Variants in AP1M1 observed in about 807,000 individuals in gnomAD.
AP1M1 encodes the protein adaptor related protein complex 1 subunit mu 1.
In AP1M1, 18 loss-of-function variants were observed where a neutral mutation model predicts 57.1. That is an observed-to-expected ratio of 0.32 (90% CI 0.22 to 0.47). The LOEUF is 0.47. Ranked by LOEUF, AP1M1 falls within the 20% of genes least tolerant of loss-of-function variation. AP1M1 has a pLI of 1.00. For missense variants in AP1M1, 362 were observed against 593.5 expected (o/e 0.61, Z 4.05); for synonymous variants, 241 against 237.9 (o/e 1.01, Z -0.12).
chr19:16,239,106 T>C lies in AP1M1; in HGVS notation c.*4671T>C, dbSNP rs920417056. Reference sequence around the variant, plus strand: ...GCGCCACCATGCCTGGCTAATTTTGTATTTTTGGTAGAGACGGGATTTCTC... The same window carrying C: ...GCGCCACCATGCCTGGCTAATTTTGCATTTTTGGTAGAGACGGGATTTCTC... On this transcript the variant is annotated 3_prime_UTR_variant, in exon 12 of 12. Coordinates refer to ENST00000291439, the MANE Select transcript of AP1M1 (RefSeq NM_032493.4). The C allele has an allele frequency of 6.6e-6, 1 of 151,472 alleles. No individual in the cohort carries two copies. The highest frequency in any genetic ancestry group is 2.4e-5 in the African/African-American group (1 of 41,162). 9.4% of individuals were successfully genotyped at this position (151,472 alleles called of 1,614,324 possible).
chr19:16,205,830 A>C (rs2091467202), intron 2 of AP1M1, among the ~76,000 whole-genome samples: 1 of 152,152 alleles, frequency 6.6e-6, no homozygotes, highest in African/African-American at 2.4e-5. Context: ...AGAAATATCA[A>C]GGTTTCTCTA....
chr19:16,213,341 C>T (rs1022876996), intron 5 of AP1M1, among the ~76,000 whole-genome samples: 3 of 152,104 alleles, frequency 2.0e-5, no homozygotes, highest in African/African-American at 7.2e-5. Flanking sequence ...TTATGCAATG[C>T]ACTTCTTTGT....
rs896830478 is a variant in AP1M1, at chr19:16,242,661, A to T, written c.*8226A>T. ...GACACTTAAAATATAAGCACACAAC[A>T]CAGTTAAAAGTAAAAAGACATTAAA... On this transcript the variant is annotated 3_prime_UTR_variant, in exon 12 of 12. Coordinates refer to ENST00000291439, the MANE Select transcript of AP1M1 (RefSeq NM_032493.4). The T allele has an allele frequency of 2.0e-5, 3 of 152,268 alleles. No homozygotes were observed. The highest frequency in any genetic ancestry group is 4.4e-5 in the Non-Finnish European group (3 of 68,046). The allele number at this position is 152,268 out of a possible 1,614,324, so 9.4% of individuals were successfully genotyped here. A position where few individuals can be genotyped will look rare whatever the true frequency, so the allele number is the denominator to read the frequency against.
chr19:16,205,302 C>T (rs1020877041), intron 2 of AP1M1, among the ~76,000 whole-genome samples: 4 of 152,204 alleles, frequency 2.6e-5, no homozygotes, highest in African/African-American at 9.7e-5. Context: ...GGGCTCACCC[C>T]TCTGGCTTAG....
chr19:16,215,352 T>C (rs186258179), intron 5 of AP1M1, among the ~76,000 whole-genome samples: 4 of 147,290 alleles, frequency 2.7e-5, no homozygotes, highest in Admixed American at 1.4e-4. Context: ...TCCCAGCTGC[T>C]TGGGAGGCTG....
chr19:16,228,049 C>T lies in AP1M1; in HGVS notation c.817-88C>T, dbSNP rs2091578917. On this transcript the variant is annotated intron_variant, in intron 7 of 11. Transcript: ENST00000291439. This position sits in a 1 kb window ranked among gnomAD's most constrained non-coding sequence, Gnocchi z 5.0. ...CTGGGCCCACACCTGGGCAGATGGTCCCTTGCCCTGGGCCTTGGTTTCCCC... is the reference window on the plus strand; with the variant it reads ...CTGGGCCCACACCTGGGCAGATGGTTCCTTGCCCTGGGCCTTGGTTTCCCC... The T allele has an allele frequency of 7.4e-7, 1 of 1,354,070 alleles. No homozygotes were observed. Among genetic ancestry groups the T allele is most frequent in the Non-Finnish European group, 1.0e-6 (1 of 961,270 alleles). 83.9% of individuals were successfully genotyped at this position (1,354,070 alleles called of 1,614,324 possible). A position where few individuals can be genotyped will look rare whatever the true frequency, so the allele number is the denominator to read the frequency against.
chr19:16,217,050 C>T (rs1301695385), intron 5 of AP1M1, among the ~76,000 whole-genome samples: 2 of 152,092 alleles, frequency 1.3e-5, no homozygotes, highest in African/African-American at 2.4e-5. Flanking sequence ...GCAGGGGCCA[C>T]GCTGGCAACT....
In AP1M1 at chr19:16,238,708, A is replaced by T. The variant is rs924194008; in HGVS notation, c.*4273A>T. The T allele has an allele frequency of 7.1e-6, 1 of 141,676 alleles. No individual in the cohort carries two copies. Among genetic ancestry groups the T allele is most frequent in the African/African-American group, 2.6e-5 (1 of 38,350 alleles). 8.8% of individuals were successfully genotyped at this position (141,676 alleles called of 1,614,324 possible). A position where few individuals can be genotyped will look rare whatever the true frequency, so the allele number is the denominator to read the frequency against. ...GGTATTGCTTAGTGGCTTGTTCTGT[A>T]TTCTTTCTTTATGCTTTTTTTTTTT... On this transcript the variant is annotated 3_prime_UTR_variant, in exon 12 of 12. Coordinates refer to ENST00000291439, the MANE Select transcript of AP1M1 (RefSeq NM_032493.4).
intron 5 of AP1M1, among the ~76,000 whole-genome samples, chr19:16,220,054 A>T (rs1273439355): frequency 6.6e-6 from 1 of 152,204 alleles, no homozygotes; most frequent in Non-Finnish European, 1.5e-5. Flanking sequence ...TTTGGTATCA[A>T]GGTAATGGAG....
At position 16,207,940 on chromosome 19, in the gene AP1M1, G is replaced by A; in HGVS notation, c.268-79G>A. 1.3e-6 allele frequency: 2 copies of A among 1,512,444 alleles called. No individual in the cohort carries two copies. The highest frequency in any genetic ancestry group is 3.7e-5 in the Admixed American group (2 of 53,620). The allele number at this position is 1,512,444 out of a possible 1,614,324, so 93.7% of individuals were successfully genotyped here. A position where few individuals can be genotyped will look rare whatever the true frequency, so the allele number is the denominator to read the frequency against. ...TAGGACTTAGCGGGCAAATGAATGT[G>A]TGCAAGCGTTCATTCATTCCTCATC... On this transcript the variant is annotated intron_variant, in intron 3 of 11. Coordinates refer to ENST00000291439, the MANE Select transcript of AP1M1 (RefSeq NM_032493.4). The surrounding 1 kb of genome is among the most constrained non-coding windows in gnomAD (Gnocchi z 4.2).
Position 16,240,377 on chromosome 19 carries a change from TG to T in AP1M1, c.*5943del, listed in dbSNP as rs1444588757. ...CAAGTATCTAACACAAACCAAAAAA[TG>T]AGAACTGGGGAGCAGCCACATGCAA... On this transcript the variant is annotated 3_prime_UTR_variant, in exon 12 of 12. Transcript: ENST00000291439. 2.6e-5 allele frequency: 4 copies of T among 151,130 alleles called. No homozygotes were observed. The highest frequency in any genetic ancestry group is 9.7e-5 in the African/African-American group (4 of 41,108). 9.4% of individuals were successfully genotyped at this position (151,130 alleles called of 1,614,324 possible). A position where few individuals can be genotyped will look rare whatever the true frequency, so the allele number is the denominator to read the frequency against.
Position 16,207,145 on chromosome 19 carries a change from C to T in AP1M1, c.267+737C>T, listed in dbSNP as rs1401262552. Among the ~76,000 whole-genome samples, 4 of 152,014 alleles carry T rather than the reference C, an allele frequency of 2.6e-5. No homozygotes were observed. The East Asian group carries it at 5.8e-4, about 22-fold the overall frequency. Reference sequence around the variant, plus strand: ...GCTTCCCGGAGAGGATGGGCCTGGCCGAGGTGGGCTGTGGGGCTCACGAAA... The same window carrying T: ...GCTTCCCGGAGAGGATGGGCCTGGCTGAGGTGGGCTGTGGGGCTCACGAAA... On this transcript the variant is annotated intron_variant, in intron 3 of 11. Coordinates refer to ENST00000291439, the MANE Select transcript of AP1M1 (RefSeq NM_032493.4). This position sits in a 1 kb window ranked among gnomAD's most constrained non-coding sequence, Gnocchi z 4.2.
rs1167563114 is a variant in AP1M1, at chr19:16,207,345, T to C, written c.268-674T>C. Among the ~76,000 whole-genome samples the C allele has an allele frequency of 1.3e-5, 2 of 151,950 alleles. No individual in the cohort carries two copies. Among genetic ancestry groups the C allele is most frequent in the African/African-American group, 2.4e-5 (1 of 41,404 alleles). ...CGTGCAGGCCAAGGGCTGCCTTCAC[T>C]GGACCGGTGATGCTGTCACAGGCAG... On this transcript the variant is annotated intron_variant, in intron 3 of 11. Transcript: ENST00000291439. The surrounding 1 kb of genome is among the most constrained non-coding windows in gnomAD (Gnocchi z 4.2).
At chr19:16,232,008 T>C (rs987020785) in intron 9 of AP1M1, among the ~76,000 whole-genome samples, 16 of 152,226 alleles carry the variant, frequency 1.1e-4, no homozygotes, top group Non-Finnish European at 2.2e-4. Context: ...GGGCCTTGCG[T>C]CCAGGCCTTC....
intron 9 of AP1M1, among the ~76,000 whole-genome samples, chr19:16,232,037 C>T (rs1672400228): frequency 1.3e-5 from 2 of 152,218 alleles, no homozygotes; most frequent in African/African-American, 2.4e-5. Flanking sequence ...CTCTCTGCAT[C>T]TCCTATAGCA....
In AP1M1 at chr19:16,238,015, T is replaced by G. The variant is rs2091631681; in HGVS notation, c.*3580T>G. ...CACCATGCTGGGCCAATTTTTCATA[T>G]TTTTTATAGAGATGGGGTCTCGTCA... is the stretch of plus-strand genomic sequence containing the variant. On this transcript the variant is annotated 3_prime_UTR_variant, in exon 12 of 12. Coordinates refer to ENST00000291439, the MANE Select transcript of AP1M1 (RefSeq NM_032493.4). 1 of 152,086 alleles carries G rather than the reference T, an allele frequency of 6.6e-6. No homozygotes were observed. Among genetic ancestry groups the G allele is most frequent in the African/African-American group, 2.4e-5 (1 of 41,398 alleles). 9.4% of individuals were successfully genotyped at this position (152,086 alleles called of 1,614,324 possible). A position where few individuals can be genotyped will look rare whatever the true frequency, so the allele number is the denominator to read the frequency against.
At position 16,226,553 on chromosome 19, in the gene AP1M1, T is replaced by G. The variant is rs1170956378; in HGVS notation, c.673+6T>G. The G allele has an allele frequency of 6.3e-7, 1 of 1,576,022 alleles. No homozygotes were observed. Among genetic ancestry groups the G allele is most frequent in the Non-Finnish European group, 8.6e-7 (1 of 1,156,076 alleles). On this transcript the variant is annotated splice_donor_region_variant and intron_variant, in intron 6 of 11. Coordinates refer to ENST00000291439, the MANE Select transcript of AP1M1 (RefSeq NM_032493.4). ...CCTCTTTGACAACACGGGCCGTGAG[T>G]ACCCTTGCCAAGGGCCCTGCCCATG... is the stretch of plus-strand genomic sequence containing the variant.
intron 5 of AP1M1, among the ~76,000 whole-genome samples, chr19:16,225,020 G>A (rs766693916): frequency 7.9e-5 from 12 of 152,124 alleles, no homozygotes; most frequent in Non-Finnish European, 1.8e-4. Flanking sequence ...TGCACCATGG[G>A]ATCAGGGAGC....
Position 16,228,368 on chromosome 19 carries a change from G to T in AP1M1, c.888+160G>T, listed in dbSNP as rs1051889698. Among the ~76,000 whole-genome samples the T allele has an allele frequency of 6.6e-6, 1 of 152,174 alleles. No homozygotes were observed. Among genetic ancestry groups the T allele is most frequent in the African/African-American group, 2.4e-5 (1 of 41,438 alleles). Reference sequence around the variant, plus strand: ...TGACACTGAGGGGACACCGCCTGGGGCCTGCTCCTAGATGGTGCCACTTGT... The same window carrying T: ...TGACACTGAGGGGACACCGCCTGGGTCCTGCTCCTAGATGGTGCCACTTGT... On this transcript the variant is annotated intron_variant, in intron 8 of 11. Coordinates refer to ENST00000291439, the MANE Select transcript of AP1M1 (RefSeq NM_032493.4). The surrounding 1 kb of genome is among the most constrained non-coding windows in gnomAD (Gnocchi z 5.0).
Sources: allele counts gnomAD v4.1 joint callset (sites outside exome capture counted in the v4.1 genomes callset), GRCh38; gene constraint gnomAD v4.1.1; non-coding constraint Gnocchi (gnomAD v3.1); transcripts MANE v1.5; gene names NCBI Gene and HGNC (gene_info 2026-07-23, HGNC 2026-07-21).